Variants in PHEX observed in about 807,000 individuals in gnomAD.
PHEX encodes the protein phosphate-regulating neutral endopeptidase PHEX.
In PHEX, 16 loss-of-function variants were observed where a neutral mutation model predicts 68.0. The observed-to-expected ratio is 0.24, with a 90% CI of 0.16 to 0.36. The LOEUF (loss-of-function observed/expected upper bound fraction) is 0.36, where lower values mean the gene tolerates loss of function less well. PHEX is among the 10% of genes least tolerant of loss of function. The probability of loss-of-function intolerance (pLI) is 1.00; values close to 1 mark genes in which losing one functional copy is unlikely to be tolerated. For missense variants in PHEX, 480 were observed against 575.5 expected (o/e 0.83, Z 1.70); for synonymous variants, 208 against 205.1 (o/e 1.01, Z -0.12).
chrX:22,113,005 TTG>T (rs560422828), intron 10 of PHEX, among the ~76,000 whole-genome samples: 13,741 of 87,813 alleles, frequency 0.16, 605 homozygotes, highest in Non-Finnish European at 0.21. Flanking sequence ...CAAGTAGGTT[TTG>T]TGTGTGTGTG....
chrX:22,120,365 T>G (rs1433965705), intron 11 of PHEX, among the ~76,000 whole-genome samples: 2 of 111,727 alleles, frequency 1.8e-5, no homozygotes, highest in Non-Finnish European at 3.8e-5. Flanking sequence ...TTGCCAGTTT[T>G]ACGAATATGA....
chrX:22,069,898 A>G (rs926062787), intron 3 of PHEX, among the ~76,000 whole-genome samples: 13 of 111,897 alleles, frequency 1.2e-4, no homozygotes, highest in African/African-American at 4.2e-4. Flanking sequence ...TTTTTTAATG[A>G]GAATAACAAT....
At chrX:22,143,250 G>A (rs1932542218) in intron 12 of PHEX, among the ~76,000 whole-genome samples, 1 of 112,007 alleles carries the variant, frequency 8.9e-6, no homozygotes, top group Admixed American at 9.5e-5. Flanking sequence ...GTTAGCAACA[G>A]TATATTGTAT....
chrX:22,242,949 C>G (rs1210795060), intron 20 of PHEX, among the ~76,000 whole-genome samples: 1 of 110,207 alleles, frequency 9.1e-6, no homozygotes, highest in African/African-American at 3.3e-5. Context: ...TCATATGGAA[C>G]CAAAAAGGAG....
At chrX:22,237,497 A>C (rs762820979) in intron 20 of PHEX, among the ~76,000 whole-genome samples, 8 of 111,760 alleles carry the variant, frequency 7.2e-5, no homozygotes, top group Admixed American at 4.8e-4. Context: ...TTTAGTGGAC[A>C]TCCATTGAGA....
At chrX:22,166,677 C>T (rs905720963) in intron 12 of PHEX, among the ~76,000 whole-genome samples, 3 of 111,046 alleles carry the variant, frequency 2.7e-5, no homozygotes, top group African/African-American at 9.8e-5. Flanking sequence ...TTCTAGTGTA[C>T]AATACATTGA....
intron 15 of PHEX, among the ~76,000 whole-genome samples, chrX:22,209,487 C>T (rs1934819959): frequency 9.3e-6 from 1 of 107,478 alleles, no homozygotes; most frequent in African/African-American, 3.5e-5. Context: ...TTCCATATCG[C>T]CACATAGTTA....
At chrX:22,194,883 C>T (rs1381136525) in intron 15 of PHEX, among the ~76,000 whole-genome samples, 2 of 112,241 alleles carry the variant, frequency 1.8e-5, no homozygotes, top group African/African-American at 6.5e-5. Flanking sequence ...GAGTTAAACT[C>T]AGTAGCTGTC....
intron 3 of PHEX, among the ~76,000 whole-genome samples, chrX:22,058,027 A>G (rs151071064): frequency 2.0e-3 from 226 of 111,695 alleles, no homozygotes; most frequent in Non-Finnish European, 3.8e-3. Flanking sequence ...CAAAATCATC[A>G]GTCATTTTCC....
At chrX:22,209,315 A>C (rs1275646185) in intron 15 of PHEX, among the ~76,000 whole-genome samples, 1 of 111,108 alleles carries the variant, frequency 9.0e-6, no homozygotes, top group African/African-American at 3.3e-5. Flanking sequence ...AGTTATGTCC[A>C]AATTTTCCCC....
chrX:22,073,374 G>A (rs1928991402), intron 3 of PHEX, among the ~76,000 whole-genome samples: 1 of 112,214 alleles, frequency 8.9e-6, no homozygotes, highest in African/African-American at 3.2e-5. Flanking sequence ...TGACTTTACA[G>A]ATAAAGAAAC....
intron 15 of PHEX, among the ~76,000 whole-genome samples, chrX:22,206,955 G>T (rs756151719): frequency 1.8e-5 from 2 of 111,841 alleles, no homozygotes; most frequent in South Asian, 7.5e-4. Flanking sequence ...CTACCGTCAG[G>T]GTATGATTTA....
At chrX:22,118,504 A>G (rs1357183777) in intron 11 of PHEX, among the ~76,000 whole-genome samples, 1 of 110,793 alleles carries the variant, frequency 9.0e-6, no homozygotes, top group East Asian at 2.8e-4. Flanking sequence ...GATTGGTTTA[A>G]ATGGACTGTG....
chrX:22,216,488 T>A (rs1935090768), intron 16 of PHEX, among the ~76,000 whole-genome samples: 1 of 79,550 alleles, frequency 1.3e-5, no homozygotes, highest in Non-Finnish European at 2.3e-5. Flanking sequence ...TTTATTTTTT[T>A]ATGCTTATTT....
At chrX:22,151,959 G>A (rs1462795985) in intron 12 of PHEX, among the ~76,000 whole-genome samples, 1 of 111,834 alleles carries the variant, frequency 8.9e-6, no homozygotes. Flanking sequence ...CCTTACATCT[G>A]AGAATATTAT....
chrX:22,139,214 GC>G (rs1172913083), intron 12 of PHEX, among the ~76,000 whole-genome samples: 1 of 111,649 alleles, frequency 9.0e-6, no homozygotes, highest in Non-Finnish European at 1.9e-5. Flanking sequence ...TTATAAGAAT[GC>G]CTGGAGCATG....
rs2301322 is a variant in PHEX, at chrX:22,177,261, C to T, written c.1483-1012C>T. The stretch of plus-strand genomic sequence containing the variant: ...TAATGCCTTGTGGGTTTCATATACA[C>T]GAGTATTTTACTTTTTGCTTTTAAA... On this transcript the variant is annotated intron_variant, in intron 13 of 21. Coordinates refer to ENST00000379374, the MANE Select transcript of PHEX (RefSeq NM_000444.6). Among the ~76,000 whole-genome samples, 1,192 of 111,395 alleles carry T rather than the reference C, an allele frequency of 0.011. 51 individuals are homozygous for T. The East Asian group carries it at 0.19, about 18-fold the overall frequency.
At position 22,062,924 on chromosome X, in the gene PHEX, C is replaced by A. The variant is rs1021022017; in HGVS notation, c.350-13464C>A. ...TACAGGTGTGTGCCACCATGCCTGG[C>A]TAATTTTTGTATTTTTAGTAAAGAC... On this transcript the variant is annotated intron_variant, in intron 3 of 21. Coordinates refer to ENST00000379374, the MANE Select transcript of PHEX (RefSeq NM_000444.6). Among the ~76,000 whole-genome samples the A allele has an allele frequency of 2.7e-5, 3 of 110,743 alleles. No individual in the cohort carries two copies. The Admixed American group carries it at 2.9e-4, about 11-fold the overall frequency.
At chrX:22,234,731 A>G (rs1049620013) in intron 20 of PHEX, among the ~76,000 whole-genome samples, 21 of 109,449 alleles carry the variant, frequency 1.9e-4, no homozygotes, top group African/African-American at 5.3e-4. Context: ...CCGCCAAGCC[A>G]GACCACTTGG....
Sources: allele counts gnomAD v4.1 joint callset (sites outside exome capture counted in the v4.1 genomes callset), GRCh38; gene constraint gnomAD v4.1.1; transcripts MANE v1.5; gene names NCBI Gene and HGNC (gene_info 2026-07-23, HGNC 2026-07-21).